WDFY2: variants seen among roughly 807,000 people sequenced by gnomAD.
The protein encoded by WDFY2 is WD repeat and FYVE domain-containing protein 2.
A neutral mutation model predicts 56.4 loss-of-function variants in WDFY2; 36 were observed. The ratio of observed to expected loss-of-function variants is 0.64; its 90% CI spans 0.49 to 0.84. The LOEUF (loss-of-function observed/expected upper bound fraction) is 0.84, where lower values mean the gene tolerates loss of function less well. Among genes scored for constraint, WDFY2 ranks in the 40% least tolerant of loss-of-function variants. The pLI is 0.00. For synonymous variants in WDFY2, 176 were observed against 183.7 expected (o/e 0.96, Z 0.34); for missense variants, 444 against 512.2 (o/e 0.87, Z 1.29).
intron 2 of WDFY2, 119 bp downstream of exon 2, chr13:51,660,782 C>T: frequency 1.2e-6 from 1 of 806,856 alleles, no homozygotes; most frequent in Non-Finnish European, 2.0e-6. Context: ...ATGAAAAGTA[C>T]CATATTAAAT....
At chr13:51,600,536 C>T (rs1039596279) in intron 1 of WDFY2, among the ~76,000 whole-genome samples, 1 of 152,224 alleles carries the variant, frequency 6.6e-6, no homozygotes, top group African/African-American at 2.4e-5. Context: ...TTTTACATTA[C>T]AGTCTAGATA....
chr13:51,603,589 A>G (rs569129065), intron 1 of WDFY2, among the ~76,000 whole-genome samples: 2 of 152,318 alleles, frequency 1.3e-5, no homozygotes, highest in African/African-American at 2.4e-5. Context: ...TTTGCCCGCA[A>G]TTTAAATCAT....
chr13:51,630,796 G>A (rs1431674711), intron 1 of WDFY2, among the ~76,000 whole-genome samples: 1 of 146,300 alleles, frequency 6.8e-6, no homozygotes. Flanking sequence ...TCTTTTTTGA[G>A]ACAGAGTTTT....
intron 1 of WDFY2, among the ~76,000 whole-genome samples, chr13:51,609,601 A>ACCCCCCCCCCCC (rs1162614972): frequency 3.0e-5 from 2 of 66,996 alleles, no homozygotes; most frequent in African/African-American, 6.3e-5. Context: ...AAAAACCCCA[A>ACCCCCCCCCCCC]CCCCCGCCCC....
At chr13:51,656,599 ACT>A (rs1566080973) in intron 1 of WDFY2, among the ~76,000 whole-genome samples, 1 of 150,568 alleles carries the variant, frequency 6.6e-6, no homozygotes, top group Non-Finnish European at 1.5e-5. Context: ...TTATTGTAGA[ACT>A]CTCTATTTCT....
chr13:51,616,912 A>AG (rs1176252910), intron 1 of WDFY2, among the ~76,000 whole-genome samples: 2 of 152,250 alleles, frequency 1.3e-5, no homozygotes, highest in African/African-American at 4.8e-5. Context: ...AGCTAGAAGA[A>AG]TTTCTTAAGA....
At chr13:51,713,513 G>C (rs1465815301) in intron 4 of WDFY2, among the ~76,000 whole-genome samples, 1 of 152,182 alleles carries the variant, frequency 6.6e-6, no homozygotes, top group Admixed American at 6.5e-5. Flanking sequence ...AACCTTAAAA[G>C]GGTAGGAAGT....
intron 1 of WDFY2, among the ~76,000 whole-genome samples, chr13:51,613,451 A>G (rs536409336): frequency 6.6e-6 from 1 of 152,316 alleles, no homozygotes; most frequent in African/African-American, 2.4e-5. Context: ...TCTTTCCAGT[A>G]GTAGAGTGGT....
intron 3 of WDFY2, among the ~76,000 whole-genome samples, chr13:51,684,633 A>G (rs1418794464): frequency 6.6e-6 from 1 of 151,952 alleles, no homozygotes; most frequent in Non-Finnish European, 1.5e-5. Flanking sequence ...TTTCCCTCCA[A>G]ATATGCTCTT....
chr13:51,724,038 C>T (rs1952547647), intron 5 of WDFY2, among the ~76,000 whole-genome samples: 1 of 151,912 alleles, frequency 6.6e-6, no homozygotes. Context: ...ATTTGGTGCC[C>T]TGCTCACCTT....
intron 4 of WDFY2, among the ~76,000 whole-genome samples, chr13:51,713,457 G>A (rs1261821969): frequency 1.3e-5 from 2 of 152,162 alleles, no homozygotes; most frequent in African/African-American, 4.8e-5. Flanking sequence ...ATCAACACAT[G>A]AATGAATAAA....
At chr13:51,620,915 C>G (rs117024229) in intron 1 of WDFY2, among the ~76,000 whole-genome samples, 3 of 152,184 alleles carry the variant, frequency 2.0e-5, no homozygotes, top group East Asian at 3.9e-4. Flanking sequence ...TCCTATCTCC[C>G]GTTTTCCTCT....
chr13:51,642,471 G>A (rs760863320), intron 1 of WDFY2, among the ~76,000 whole-genome samples: 1 of 151,252 alleles, frequency 6.6e-6, no homozygotes, highest in Non-Finnish European at 1.5e-5. Flanking sequence ...TATTTTTTTT[G>A]TATTTTTGTA....
chr13:51,653,919 A>G (rs887872170), intron 1 of WDFY2, among the ~76,000 whole-genome samples: 3 of 151,814 alleles, frequency 2.0e-5, no homozygotes, highest in African/African-American at 7.3e-5. Flanking sequence ...GAGAACCACT[A>G]CTCTCTTCAA....
At chr13:51,615,817 T>C (rs996393165) in intron 1 of WDFY2, among the ~76,000 whole-genome samples, 1 of 152,204 alleles carries the variant, frequency 6.6e-6, no homozygotes, top group Non-Finnish European at 1.5e-5. Flanking sequence ...GGTAAGAGAT[T>C]TGGTTATTTT....
chr13:51,662,478 T>C (rs548356576), intron 2 of WDFY2, among the ~76,000 whole-genome samples: 1 of 152,228 alleles, frequency 6.6e-6, no homozygotes, highest in African/African-American at 2.4e-5. Flanking sequence ...AAGCGAGGAA[T>C]CTTATTGAGA....
intron 4 of WDFY2, among the ~76,000 whole-genome samples, chr13:51,712,079 A>C (rs1213845906): frequency 6.6e-6 from 1 of 152,230 alleles, no homozygotes; most frequent in Non-Finnish European, 1.5e-5. Flanking sequence ...TGGATTAAGA[A>C]AATATGGCAC....
intron 1 of WDFY2, among the ~76,000 whole-genome samples, chr13:51,650,671 T>A (rs533485907): frequency 6.6e-6 from 1 of 152,382 alleles, no homozygotes; most frequent in African/African-American, 2.4e-5. Flanking sequence ...ATTGAGATAA[T>A]CATGTGGTTT....
At chr13:51,604,143 A>G (rs570404860) in intron 1 of WDFY2, among the ~76,000 whole-genome samples, 72 of 152,248 alleles carry the variant, frequency 4.7e-4, no homozygotes, top group Non-Finnish European at 5.0e-4. Context: ...AGGACCAAGC[A>G]TAGTATTAAT....
Sources: allele counts gnomAD v4.1 joint callset (sites outside exome capture counted in the v4.1 genomes callset), GRCh38; gene constraint gnomAD v4.1.1; transcripts MANE v1.5; gene names NCBI Gene and HGNC (gene_info 2026-07-23, HGNC 2026-07-21).